Variants in SLC4A10 observed in about 807,000 individuals in gnomAD.
SLC4A10 encodes sodium-driven chloride bicarbonate exchanger.
In SLC4A10, 42 loss-of-function variants were observed where a neutral mutation model predicts 137.7. The ratio of observed to expected loss-of-function variants is 0.30; its 90% CI spans 0.24 to 0.39. The LOEUF is 0.39. Ranked by LOEUF, SLC4A10 falls within the 10% of genes least tolerant of loss-of-function variation. SLC4A10 has a pLI of 1.00. For missense variants in SLC4A10, 925 were observed against 1,355.0 expected (o/e 0.68, Z 4.98); for synonymous variants, 474 against 464.1 (o/e 1.02, Z -0.27).
At chr2:161,708,545 A>G (rs1485137696) in intron 1 of SLC4A10, 2 of 752,732 alleles carry the variant, frequency 2.7e-6, no homozygotes, top group East Asian at 3.1e-5. Context: ...AGACAGCATC[A>G]GCAAATACAA....
intron 23 of SLC4A10, among the ~76,000 whole-genome samples, chr2:161,971,172 C>A (rs1461304808): frequency 4.6e-5 from 7 of 152,180 alleles, no homozygotes; most frequent in South Asian, 2.1e-4. Flanking sequence ...CTGGATTATT[C>A]TTCTTGTTAA....
intron 9 of SLC4A10, among the ~76,000 whole-genome samples, chr2:161,881,134 G>A (rs2061747343): frequency 6.6e-6 from 1 of 152,072 alleles, no homozygotes; most frequent in South Asian, 2.1e-4. Flanking sequence ...GCCATTCAGG[G>A]TTTCTTATTA....
intron 1 of SLC4A10, among the ~76,000 whole-genome samples, chr2:161,706,642 T>C (rs2043692126): frequency 6.6e-6 from 1 of 151,532 alleles, no homozygotes; most frequent in East Asian, 1.9e-4. Context: ...TGACAGTTTC[T>C]CATTTCCCTA....
At chr2:161,859,977 T>C (rs1365065042) in intron 5 of SLC4A10, among the ~76,000 whole-genome samples, 2 of 152,224 alleles carry the variant, frequency 1.3e-5, no homozygotes, top group African/African-American at 2.4e-5. Context: ...AGGACTTCAC[T>C]CTGGACCCAA....
At chr2:161,685,421 C>T (rs2041280969) in intron 1 of SLC4A10, among the ~76,000 whole-genome samples, 1 of 152,092 alleles carries the variant, frequency 6.6e-6, no homozygotes, top group African/African-American at 2.4e-5. Flanking sequence ...GCCTGGCCAA[C>T]ATGGCAAAAC....
chr2:161,781,980 G>A (rs2053078398), intron 2 of SLC4A10, among the ~76,000 whole-genome samples: 1 of 152,080 alleles, frequency 6.6e-6, no homozygotes, highest in African/African-American at 2.4e-5. Context: ...TTCGATGGGG[G>A]CTACCCAAAG....
intron 10 of SLC4A10, among the ~76,000 whole-genome samples, chr2:161,891,992 CT>C (rs1423930909): frequency 6.6e-6 from 1 of 151,900 alleles, no homozygotes; most frequent in African/African-American, 2.4e-5. Flanking sequence ...TGAAATCAGA[CT>C]GTTAAGTTAG....
At chr2:161,782,564 AGAAT>A (rs1259553580) in intron 2 of SLC4A10, among the ~76,000 whole-genome samples, 1 of 151,822 alleles carries the variant, frequency 6.6e-6, no homozygotes, top group Non-Finnish European at 1.5e-5. Flanking sequence ...AAAAGAATTT[AGAAT>A]AACTGTCATA....
chr2:161,872,958 T>C (rs1307620413), intron 7 of SLC4A10, among the ~76,000 whole-genome samples: 1 of 152,012 alleles, frequency 6.6e-6, no homozygotes, highest in Non-Finnish European at 1.5e-5. Context: ...AGGTGATCCG[T>C]CCGCCTCAGC....
chr2:161,784,505 G>C (rs140876087), intron 2 of SLC4A10, among the ~76,000 whole-genome samples: 2 of 151,904 alleles, frequency 1.3e-5, no homozygotes, highest in East Asian at 3.9e-4. Context: ...AAGCTGAAAA[G>C]TATGTTTTAA....
chr2:161,854,799 G>T (rs548083969), intron 4 of SLC4A10, among the ~76,000 whole-genome samples, 171 bp from the exon 5 acceptor site: 27 of 152,002 alleles, frequency 1.8e-4, no homozygotes, highest in African/African-American at 6.5e-4. Context: ...GAGTTAAATG[G>T]AATTAAAATG....
chr2:161,907,563 T>G (rs1684739732), intron 15 of SLC4A10, among the ~76,000 whole-genome samples: 1 of 152,094 alleles, frequency 6.6e-6, no homozygotes, highest in Non-Finnish European at 1.5e-5. Context: ...AGGAAATGAG[T>G]GCCGGGTTAA....
chr2:161,666,183 A>C (rs1306798944), intron 1 of SLC4A10, among the ~76,000 whole-genome samples: 8 of 151,558 alleles, frequency 5.3e-5, no homozygotes, highest in Admixed American at 3.3e-4. Flanking sequence ...TGTATTAGTC[A>C]AACAGTAATT....
At chr2:161,674,605 A>C (rs1488787127) in intron 1 of SLC4A10, among the ~76,000 whole-genome samples, 1 of 152,210 alleles carries the variant, frequency 6.6e-6, no homozygotes, top group Non-Finnish European at 1.5e-5. Context: ...ATTATATCAC[A>C]AAATATTTTT....
chr2:161,631,678 G>A (rs554237370), intron 1 of SLC4A10, among the ~76,000 whole-genome samples: 10 of 151,758 alleles, frequency 6.6e-5, no homozygotes, highest in African/African-American at 1.9e-4. Context: ...GCAATATTTT[G>A]CAGTTTTGTC....
chr2:161,803,255 T>G (rs759672181), intron 2 of SLC4A10, among the ~76,000 whole-genome samples: 2 of 152,316 alleles, frequency 1.3e-5, no homozygotes, highest in East Asian at 3.9e-4. Context: ...CACAGAAAGT[T>G]GAGACAGTTC....
intron 3 of SLC4A10, among the ~76,000 whole-genome samples, chr2:161,813,732 A>G (rs961227258): frequency 6.6e-6 from 1 of 152,146 alleles, no homozygotes; most frequent in Non-Finnish European, 1.5e-5. Flanking sequence ...GTATTTCATG[A>G]GCAAATAAAA....
At chr2:161,748,210 C>T (rs1454737514) in intron 1 of SLC4A10, among the ~76,000 whole-genome samples, 1 of 151,970 alleles carries the variant, frequency 6.6e-6, no homozygotes, top group Non-Finnish European at 1.5e-5. Flanking sequence ...TATTTTCTCC[C>T]ATCCTGTGGC....
chr2:161,947,402 G>A (rs778167172), intron 16 of SLC4A10, among the ~76,000 whole-genome samples, 164 bp from the exon 17 acceptor site: 1 of 152,074 alleles, frequency 6.6e-6, no homozygotes, highest in Non-Finnish European at 1.5e-5. Flanking sequence ...ACCCATCCAA[G>A]TTGAACTTGA....
Sources: gnomAD v4.1 joint callset for allele counts (sites outside exome capture counted in the v4.1 genomes callset) on GRCh38, gnomAD v4.1.1 for gene constraint, MANE v1.5 for transcripts, NCBI Gene and HGNC (gene_info 2026-07-23, HGNC 2026-07-21) for gene names.